LARGE1: variants seen among roughly 807,000 people sequenced by gnomAD.
LARGE1 encodes the protein LARGE xylosyl- and glucuronyltransferase 1, also known as xylosyl- and glucuronyltransferase LARGE1.
A neutral mutation model predicts 87.6 loss-of-function variants in LARGE1; 43 were observed. That is an observed-to-expected ratio of 0.49 (90% CI 0.38 to 0.63). The LOEUF (loss-of-function observed/expected upper bound fraction) is 0.63, where lower values mean the gene tolerates loss of function less well. Among genes scored for constraint, LARGE1 ranks in the 30% least tolerant of loss-of-function variants. The probability of loss-of-function intolerance (pLI) is 0.00; values close to 1 mark genes in which losing one functional copy is unlikely to be tolerated. For synonymous variants in LARGE1, 434 were observed against 394.6 expected (o/e 1.10, Z -1.18); for missense variants, 802 against 1,000.2 (o/e 0.80, Z 2.67).
intron 9 of LARGE1, among the ~76,000 whole-genome samples, chr22:33,371,789 C>G (rs2064817012): frequency 6.6e-6 from 1 of 152,010 alleles, no homozygotes; most frequent in African/African-American, 2.4e-5. Flanking sequence ...TCGAGACCAT[C>G]CTGGCTAACA....
At chr22:33,240,768 C>G (rs1285758167) in intron 11 of LARGE1, among the ~76,000 whole-genome samples, 1 of 152,126 alleles carries the variant, frequency 6.6e-6, no homozygotes, top group Non-Finnish European at 1.5e-5. Context: ...ATCCCGTGGT[C>G]ATCAACTTTA....
chr22:33,797,788 C>CA (rs1353827320), intron 1 of LARGE1, among the ~76,000 whole-genome samples: 1 of 152,210 alleles, frequency 6.6e-6, no homozygotes. Context: ...CCCTTACTTG[C>CA]AAAATGGTTC....
chr22:33,330,726 T>A (rs921318140), intron 10 of LARGE1, among the ~76,000 whole-genome samples: 1 of 152,212 alleles, frequency 6.6e-6, no homozygotes, highest in African/African-American at 2.4e-5. Context: ...GGGGAGCCTG[T>A]TCTCTTGCAA....
At chr22:33,339,154 T>TAAAAAAAAA (rs1182760420) in intron 9 of LARGE1, among the ~76,000 whole-genome samples, 1 of 98,978 alleles carries the variant, frequency 1.0e-5, no homozygotes, top group African/African-American at 3.4e-5. Context: ...TCTCAAAAAA[T>TAAAAAAAAA]AAAAAAAAAA....
At chr22:33,105,616 T>G in the LARGE1 span, 4 of 151,766 alleles carry the variant, frequency 2.6e-5, no homozygotes, top group Non-Finnish European at 5.9e-5. Flanking sequence ...AACGTGGGGC[T>G]AAAATAAGCC....
intron 6 of LARGE1, among the ~76,000 whole-genome samples, chr22:33,535,582 C>T (rs1448864189): frequency 6.6e-6 from 1 of 151,816 alleles, no homozygotes; most frequent in Non-Finnish European, 1.5e-5. Flanking sequence ...CAGCAATATG[C>T]AGGGACCAAA....
At chr22:33,395,366 T>A (rs2065702679) in intron 7 of LARGE1, among the ~76,000 whole-genome samples, 1 of 152,028 alleles carries the variant, frequency 6.6e-6, no homozygotes. Flanking sequence ...CAATAAATAT[T>A]CAACTCAGGA....
At chr22:33,535,866 G>T (rs983194403) in intron 6 of LARGE1, among the ~76,000 whole-genome samples, 1 of 152,148 alleles carries the variant, frequency 6.6e-6, no homozygotes, top group African/African-American at 2.4e-5. Context: ...GGCAACCCTT[G>T]TCTGTATTCT....
At chr22:33,684,876 C>T (rs570137744) in intron 2 of LARGE1, among the ~76,000 whole-genome samples, 4 of 152,278 alleles carry the variant, frequency 2.6e-5, no homozygotes, top group East Asian at 1.9e-4. Context: ...ACTTTTTCAA[C>T]CAAGGTTGTT....
chr22:33,687,746 G>A (rs1315886780), intron 2 of LARGE1, among the ~76,000 whole-genome samples: 2 of 152,212 alleles, frequency 1.3e-5, no homozygotes, highest in African/African-American at 4.8e-5. Context: ...ATGGAAGACG[G>A]AAGAGGTGGG....
At chr22:33,323,960 G>A (rs548964654) in intron 10 of LARGE1, among the ~76,000 whole-genome samples, 3 of 152,240 alleles carry the variant, frequency 2.0e-5, no homozygotes, top group South Asian at 2.1e-4. Context: ...GGCCAGATGC[G>A]GTGGCTCACG....
At chr22:33,152,314 G>GGTGCTGGCTT in the LARGE1 span, among the ~76,000 whole-genome samples, 1 of 152,332 alleles carries the variant, frequency 6.6e-6, no homozygotes, top group African/African-American at 2.4e-5. Flanking sequence ...GGTGCTGGCT[G>GGTGCTGGCTT]GTGCTGACCA....
At chr22:33,691,366 A>C (rs765796008) in intron 2 of LARGE1, among the ~76,000 whole-genome samples, 11 of 152,170 alleles carry the variant, frequency 7.2e-5, no homozygotes, top group Non-Finnish European at 1.2e-4. Flanking sequence ...AATTAAAAAT[A>C]GATTTGTTGC....
intron 12 of LARGE1, among the ~76,000 whole-genome samples, chr22:33,293,197 A>G (rs1348665448): frequency 6.6e-6 from 1 of 152,240 alleles, no homozygotes; most frequent in African/African-American, 2.4e-5. Context: ...AGCATATAGG[A>G]TTGGAGAAAC....
chr22:33,313,519 GGGCA>G (rs1273982637), intron 11 of LARGE1, among the ~76,000 whole-genome samples: 2 of 152,178 alleles, frequency 1.3e-5, no homozygotes, highest in African/African-American at 4.8e-5. Flanking sequence ...TCTTGGGTGT[GGGCA>G]GGGCTTCTGA....
intron 11 of LARGE1, among the ~76,000 whole-genome samples, chr22:33,245,144 A>AT: frequency 6.6e-6 from 1 of 152,084 alleles, no homozygotes. Context: ...CCCTTTAAAG[A>AT]TTTTTTAAGA....
chr22:33,591,199 C>T (rs2148918794), intron 5 of LARGE1, among the ~76,000 whole-genome samples: 1 of 152,168 alleles, frequency 6.6e-6, no homozygotes, highest in Non-Finnish European at 1.5e-5. Flanking sequence ...GACTCTGCCT[C>T]AAACAAACAA....
chr22:33,901,015 C>G (rs746349766), intron 1 of LARGE1, among the ~76,000 whole-genome samples: 2 of 152,108 alleles, frequency 1.3e-5, no homozygotes, highest in Non-Finnish European at 2.9e-5. Flanking sequence ...CTACTGCACT[C>G]TAACCTGGGT....
At chr22:33,684,425 G>A (rs1603134012) in intron 2 of LARGE1, among the ~76,000 whole-genome samples, 1 of 151,926 alleles carries the variant, frequency 6.6e-6, no homozygotes, top group African/African-American at 2.4e-5. Context: ...ATCTGCCCCC[G>A]AGAAACAAGA....
Sources: gnomAD v4.1 joint callset for allele counts (sites outside exome capture counted in the v4.1 genomes callset) on GRCh38, gnomAD v4.1.1 for gene constraint, MANE v1.5 for transcripts, NCBI Gene and HGNC (gene_info 2026-07-23, HGNC 2026-07-21) for gene names.